Variants in MPPED1 observed in about 807,000 individuals in gnomAD.
The protein encoded by MPPED1 is metallophosphoesterase domain-containing protein 1.
Under a neutral mutation model 36.2 loss-of-function variants are expected in MPPED1, and 16 were observed. That is an observed-to-expected ratio of 0.44 (90% CI 0.30 to 0.67). The LOEUF is 0.67. Ranked by LOEUF, MPPED1 falls within the 30% of genes least tolerant of loss-of-function variation. MPPED1 has a pLI of 0.10. For synonymous variants in MPPED1, 199 were observed against 191.3 expected, an observed-to-expected ratio of 1.04 and a Z score of -0.33; for missense variants, 307 against 453.4, an observed-to-expected ratio of 0.68 and a Z score of 2.93.
intron 3 of MPPED1, among the ~76,000 whole-genome samples, chr22:43,448,578 T>TTTTA (rs135048): frequency 0.055 from 8,167 of 147,176 alleles, 383 homozygotes; most frequent in African/African-American, 0.12. Context: ...TTTAAAATCT[T>TTTTA]TTTATTTATT....
chr22:43,475,057 C>A, intron 4 of MPPED1, 96 bp downstream of exon 4: 2 of 1,116,074 alleles, frequency 1.8e-6, no homozygotes, highest in Admixed American at 1.9e-5. Flanking sequence ...GCAGGGAGCT[C>A]CGGATGCGAG....
intron 1 of MPPED1, among the ~76,000 whole-genome samples, chr22:43,421,235 C>A (rs1428790218): frequency 6.6e-6 from 1 of 152,268 alleles, no homozygotes; most frequent in Non-Finnish European, 1.5e-5. Flanking sequence ...ATGCTCGCCT[C>A]CTCGCACGGT....
At chr22:43,460,896 A>T (rs1930935062) in intron 3 of MPPED1, among the ~76,000 whole-genome samples, 1 of 152,180 alleles carries the variant, frequency 6.6e-6, no homozygotes, top group Non-Finnish European at 1.5e-5. Flanking sequence ...TGTCCTGTGG[A>T]TGCCTCATTC....
At chr22:43,444,277 G>A (rs1162680722) in intron 3 of MPPED1, among the ~76,000 whole-genome samples, 1 of 87,044 alleles carries the variant, frequency 1.1e-5, no homozygotes, top group East Asian at 2.9e-4. Flanking sequence ...GAGACCCACT[G>A]GGGTGTGTGT....
rs758948858 is a variant in MPPED1 at position 43,425,222 on chromosome 22, G to A, written c.224+13G>A. The A allele has an allele frequency of 3.0e-5, 48 of 1,582,486 alleles. No homozygotes were observed. The highest frequency in any genetic ancestry group is 3.4e-5 in the Admixed American group (2 of 59,070). On this transcript the variant is annotated intron_variant, in intron 2 of 6. Coordinates refer to ENST00000443721, the MANE Select transcript of MPPED1 (RefSeq NM_001044370.2). ...CGCATGTGCAGATGTAAGTGGGACCGGTGGGGTGGGGGTGGGGGCGGTGAC... is the reference window on the plus strand; with the variant it reads ...CGCATGTGCAGATGTAAGTGGGACCAGTGGGGTGGGGGTGGGGGCGGTGAC...
chr22:43,495,643 GATGGTGGAGGTA>G (rs1371097553), intron 4 of MPPED1, among the ~76,000 whole-genome samples: 25 of 92,450 alleles, frequency 2.7e-4, no homozygotes, highest in Admixed American at 5.0e-4. Context: ...TGGTGGAGGT[GATGGTGGAGGTA>G]GTGGTGGTGG....
In MPPED1 at chr22:43,502,672, G is replaced by A; in HGVS notation, c.777G>A (p.Met259Ile). The A allele has an allele frequency of 1.9e-6, 3 of 1,613,306 alleles. No homozygotes were observed. Among genetic ancestry groups the A allele is most frequent in the Non-Finnish European group, 2.5e-6 (3 of 1,179,846 alleles). Residue 259 changes from methionine to isoleucine, a missense_variant, in exon 6 of 7, where the codon ATG (methionine) becomes ATA (isoleucine). Physicochemically the swap from Met to Ile is conservative, Grantham distance 10. Around this residue, in one of 3 missense-constraint regions of MPPED1, gnomAD observed 132 missense variants for 212.3 expected, o/e 0.62. Coordinates refer to ENST00000443721, the MANE Select transcript of MPPED1 (RefSeq NM_001044370.2). The surrounding 1 kb of genome is among the most constrained non-coding windows in gnomAD (Gnocchi z 5.5). The part of the protein sequence containing the change: ...LGFLDWVPKK[M>I]QRVGCVELLN... ...TCCTGGACTGGGTCCCCAAGAAGAT[G>A]CAGCGGGTGGGCTGTGTGGAGCTGC...
rs1009084655 is a variant in MPPED1, at chr22:43,439,483, T to A, written c.406+4268T>A. Among the ~76,000 whole-genome samples the A allele has an allele frequency of 3.9e-5, 6 of 152,362 alleles. No homozygotes were observed. In the East Asian group the frequency reaches 1.2e-3, roughly 29 times the overall value. The stretch of plus-strand genomic sequence containing the variant: ...ACAGCCTGGATGGATCAGTCAGCAG[T>A]GCCAGTGCAGGGAGGTGGGGCGGCT... On this transcript the variant is annotated intron_variant, in intron 3 of 6. Coordinates refer to ENST00000443721, the MANE Select transcript of MPPED1 (RefSeq NM_001044370.2).
chr22:43,488,770 A>T (rs1163721926), intron 4 of MPPED1, among the ~76,000 whole-genome samples: 1 of 152,264 alleles, frequency 6.6e-6, no homozygotes, highest in Non-Finnish European at 1.5e-5. Context: ...ACTTTAGAAC[A>T]GAAAGACAGA....
At chr22:43,472,382 A>G (rs529296787) in intron 3 of MPPED1, among the ~76,000 whole-genome samples, 42 of 152,296 alleles carry the variant, frequency 2.8e-4, no homozygotes, top group Middle Eastern at 3.4e-3. Flanking sequence ...ATTATCTTCT[A>G]TAATATCAGA....
At chr22:43,467,702 G>A (rs1403588619) in intron 3 of MPPED1, among the ~76,000 whole-genome samples, 1 of 152,204 alleles carries the variant, frequency 6.6e-6, no homozygotes, top group Non-Finnish European at 1.5e-5. Flanking sequence ...TCGTTATGCC[G>A]TCTCTTTATT....
chr22:43,482,537 G>C (rs926899451), intron 4 of MPPED1, among the ~76,000 whole-genome samples: 1 of 152,176 alleles, frequency 6.6e-6, no homozygotes, highest in Non-Finnish European at 1.5e-5. Flanking sequence ...TACACATCCT[G>C]GTACGTGGCT....
chr22:43,504,968 A>G (rs76484145), intron 6 of MPPED1, among the ~76,000 whole-genome samples: 11 of 63,550 alleles, frequency 1.7e-4, no homozygotes, highest in South Asian at 1.1e-3. Flanking sequence ...GGTGGTGGTG[A>G]TGATAAAGGT....
At chr22:43,473,225 G>C (rs902439007) in intron 3 of MPPED1, among the ~76,000 whole-genome samples, 2 of 152,212 alleles carry the variant, frequency 1.3e-5, no homozygotes, top group Non-Finnish European at 2.9e-5. Flanking sequence ...CGTGCTGCTG[G>C]GCATTGCCCC....
chr22:43,432,228 GAGAA>G (rs957105482), intron 2 of MPPED1, among the ~76,000 whole-genome samples: 17 of 99,840 alleles, frequency 1.7e-4, no homozygotes, highest in African/African-American at 5.1e-4. Flanking sequence ...GAGACACAGA[GAGAA>G]AGAAAGGGAA....
Position 43,502,615 on chromosome 22 carries a change from A to C in MPPED1, c.749-29A>C. 6.3e-7 allele frequency: 1 copy of C among 1,585,402 alleles called. No homozygotes were observed. Among genetic ancestry groups the C allele is most frequent in the East Asian group, 2.2e-5 (1 of 44,734 alleles). ...GTGAGGGGCTGGGACAGACCGCGTC[A>C]TGGCCTCCTGTTGTCTCCCCCATAC... On this transcript the variant is annotated intron_variant, in intron 5 of 6. Coordinates refer to ENST00000443721, the MANE Select transcript of MPPED1 (RefSeq NM_001044370.2). The surrounding 1 kb of genome is among the most constrained non-coding windows in gnomAD (Gnocchi z 5.5).
intron 2 of MPPED1, among the ~76,000 whole-genome samples, chr22:43,431,021 A>ATTTTTTTTTTTTTTTT (rs135076): frequency 7.1e-5 from 3 of 42,278 alleles, no homozygotes; most frequent in African/African-American, 1.3e-4. Context: ...GTTGTTGTTA[A>ATTTTTTTTTTTTTTTT]TTTTTTTTTT....
In MPPED1 at chr22:43,507,471, T is replaced by A. The variant is rs1040413803; in HGVS notation, c.*1855T>A. On this transcript the variant is annotated 3_prime_UTR_variant, in exon 7 of 7. Transcript: ENST00000443721. ...GCCGTGGGGTGCAGGGCTCCAGGAA[T>A]CCCGTTTGGCTGAAGGGGTTCCTGT... is the stretch of plus-strand genomic sequence containing the variant. 1.3e-5 allele frequency: 2 copies of A among 152,118 alleles called. No homozygotes were observed. Among genetic ancestry groups the A allele is most frequent in the African/African-American group, 4.8e-5 (2 of 41,414 alleles). 9.4% of individuals were successfully genotyped at this position (152,118 alleles called of 1,614,324 possible).
chr22:43,497,935 G>GTATATATATATATATATACATATATATA, intron 4 of MPPED1, among the ~76,000 whole-genome samples: 1 of 128,380 alleles, frequency 7.8e-6, no homozygotes, highest in East Asian at 2.1e-4. Context: ...ATATGTATAT[G>GTATATATATATATATATACATATATATA]TATATATATA....
Sources: allele counts gnomAD v4.1 joint callset (sites outside exome capture counted in the v4.1 genomes callset), GRCh38; gene constraint gnomAD v4.1.1; regional missense constraint gnomAD v4.1.1; non-coding constraint Gnocchi (gnomAD v3.1); transcripts MANE v1.5; gene names NCBI Gene and HGNC (gene_info 2026-07-23, HGNC 2026-07-21).